DYM: variants seen among roughly 807,000 people sequenced by gnomAD.
DYM encodes the protein dymeclin, also known as dyggve-Melchior-Clausen syndrome protein.
A neutral mutation model predicts 93.1 loss-of-function variants in DYM; 78 were observed. The ratio of observed to expected loss-of-function variants is 0.84; its 90% CI spans 0.70 to 1.01. The LOEUF is 1.01. DYM is among the 50% of genes least tolerant of loss of function. The pLI is 0.00. For missense variants in DYM, 789 were observed against 845.0 expected (o/e 0.93, Z 0.82); for synonymous variants, 321 against 319.7 (o/e 1.00, Z -0.04).
chr18:49,090,944 TAA>T (rs1313393517), intron 17 of DYM, among the ~76,000 whole-genome samples: 1 of 152,156 alleles, frequency 6.6e-6, no homozygotes, highest in Admixed American at 6.5e-5. Flanking sequence ...TAAGAATGCA[TAA>T]ATGTGGAATA....
At chr18:49,153,011 T>C (rs1265155241) in intron 15 of DYM, among the ~76,000 whole-genome samples, 3 of 152,158 alleles carry the variant, frequency 2.0e-5, no homozygotes, top group Admixed American at 6.6e-5. Flanking sequence ...TTATGTAAGA[T>C]GAGTAAGTTC....
chr18:49,440,095 G>C (rs1376030011), intron 1 of DYM, among the ~76,000 whole-genome samples: 1 of 130,600 alleles, frequency 7.7e-6, no homozygotes, highest in Admixed American at 7.7e-5. Context: ...TGAAATATTT[G>C]ATAAATACAT....
intron 1 of DYM, among the ~76,000 whole-genome samples, chr18:49,457,869 A>C (rs929102473): frequency 6.6e-6 from 1 of 152,218 alleles, no homozygotes; most frequent in African/African-American, 2.4e-5. Flanking sequence ...TTGAGGATGG[A>C]AGTATGATCA....
At chr18:49,360,481 G>T (rs1203984240) in intron 6 of DYM, among the ~76,000 whole-genome samples, 1 of 152,018 alleles carries the variant, frequency 6.6e-6, no homozygotes, top group Non-Finnish European at 1.5e-5. Flanking sequence ...AATTAGCCGG[G>T]TGTGGTGGCG....
intron 11 of DYM, among the ~76,000 whole-genome samples, chr18:49,267,557 C>T (rs1788117): frequency 2.0e-5 from 3 of 152,036 alleles, no homozygotes; most frequent in African/African-American, 7.3e-5. Flanking sequence ...GCAAGATGAG[C>T]GATATAATTC....
At chr18:49,406,517 T>G (rs1645596132) in intron 2 of DYM, among the ~76,000 whole-genome samples, 1 of 152,060 alleles carries the variant, frequency 6.6e-6, no homozygotes, top group Admixed American at 6.6e-5. Context: ...GCCGAGATCA[T>G]GCCACTGCAC....
chr18:49,235,659 G>C (rs1301746563), intron 13 of DYM, among the ~76,000 whole-genome samples: 1 of 151,888 alleles, frequency 6.6e-6, no homozygotes, highest in African/African-American at 2.4e-5. Context: ...GTCAGGGTCA[G>C]TAATTACTTA....
intron 1 of DYM, among the ~76,000 whole-genome samples, chr18:49,443,102 C>G (rs1000807977): frequency 6.6e-6 from 1 of 152,094 alleles, no homozygotes; most frequent in Non-Finnish European, 1.5e-5. Flanking sequence ...CCCACATTAG[C>G]CTCCCAAAAT....
At chr18:49,209,227 C>G (rs1434518416) in intron 14 of DYM, among the ~76,000 whole-genome samples, 2 of 152,162 alleles carry the variant, frequency 1.3e-5, no homozygotes, top group African/African-American at 2.4e-5. Context: ...GAGTCTATTT[C>G]ATATAAAACA....
At chr18:49,307,304 G>A (rs2061330871) in intron 8 of DYM, among the ~76,000 whole-genome samples, 1 of 152,018 alleles carries the variant, frequency 6.6e-6, no homozygotes, top group African/African-American at 2.4e-5. Flanking sequence ...CTTTTCTTTT[G>A]TTGCTTCACT....
Position 49,286,577 on chromosome 18 carries a change from C to A in DYM, c.803G>T (p.Ser268Ile). 1 of 1,614,064 alleles carries A rather than the reference C, an allele frequency of 6.2e-7. No homozygotes were observed. The highest frequency in any genetic ancestry group is 2.2e-5 in the East Asian group (1 of 44,834). The stretch of plus-strand genomic sequence containing the variant: ...AAGCTCTGGAGAGGCAGCCGCTTTG[C>A]TGCCCACACCACCTAGTGTGAAGAC... Reference protein sequence around the residue: ...WTVFTLGGVGSKAAASPELSS... With the variant: ...WTVFTLGGVGIKAAASPELSS... The change falls in exon 9 of 18, where the codon AGC (serine) becomes ATC (isoleucine). Residue 268 changes from serine to isoleucine, a missense_variant. Coordinates refer to ENST00000675505, the MANE Select transcript of DYM (RefSeq NM_001353214.3).
At chr18:49,362,013 T>C (rs1351983132) in intron 6 of DYM, among the ~76,000 whole-genome samples, 1 of 147,656 alleles carries the variant, frequency 6.8e-6, no homozygotes, top group Admixed American at 7.0e-5. Flanking sequence ...CATAAGCCAC[T>C]GCATCCGGCC....
chr18:49,131,698 G>C (rs1409159341), intron 15 of DYM, among the ~76,000 whole-genome samples: 1 of 152,180 alleles, frequency 6.6e-6, no homozygotes, highest in African/African-American at 2.4e-5. Context: ...CATCACTAAA[G>C]TGAGACAATC....
chr18:49,118,137 G>T (rs969723336), intron 16 of DYM, among the ~76,000 whole-genome samples: 1 of 150,254 alleles, frequency 6.7e-6, no homozygotes, highest in African/African-American at 2.5e-5. Flanking sequence ...AGCCTCTCAA[G>T]TAGCTGGGAT....
intron 16 of DYM, among the ~76,000 whole-genome samples, chr18:49,112,041 T>C (rs2081446104): frequency 6.6e-6 from 1 of 152,102 alleles, no homozygotes; most frequent in Admixed American, 6.5e-5. Flanking sequence ...TTTTGTTTTA[T>C]CTTTTACGTG....
intron 6 of DYM, among the ~76,000 whole-genome samples, chr18:49,338,581 A>C (rs1229127559): frequency 6.6e-6 from 1 of 152,244 alleles, no homozygotes; most frequent in African/African-American, 2.4e-5. Context: ...AAAGGACCCC[A>C]ATTGATAATT....
At chr18:49,074,626 G>A (rs979852962) in intron 17 of DYM, among the ~76,000 whole-genome samples, 4 of 152,178 alleles carry the variant, frequency 2.6e-5, no homozygotes, top group Admixed American at 1.3e-4. Context: ...CCTGTGGTAT[G>A]AGAATTAGTC....
intron 1 of DYM, among the ~76,000 whole-genome samples, chr18:49,442,008 C>CA (rs1315178805): frequency 2.4e-4 from 36 of 152,222 alleles, no homozygotes; most frequent in Non-Finnish European, 4.4e-5. Flanking sequence ...GCCTCCAAGG[C>CA]AGGAGACTGA....
chr18:49,200,854 G>A (rs2091930560), intron 14 of DYM, among the ~76,000 whole-genome samples: 1 of 151,952 alleles, frequency 6.6e-6, no homozygotes, highest in South Asian at 2.1e-4. Context: ...ATACTTCTTT[G>A]TGGTAAGAAC....
Sources: gnomAD v4.1 joint callset for allele counts (sites outside exome capture counted in the v4.1 genomes callset) on GRCh38, gnomAD v4.1.1 for gene constraint, MANE v1.5 for transcripts, NCBI Gene and HGNC (gene_info 2026-07-23, HGNC 2026-07-21) for gene names.